The following TGFBR3 variants were observed in gnomAD, a reference collection of about 807,000 sequenced individuals.
The protein encoded by TGFBR3 is transforming growth factor beta receptor type 3.
In TGFBR3, 46 loss-of-function variants were observed where a neutral mutation model predicts 87.9. That is an observed-to-expected ratio of 0.52 (90% CI 0.41 to 0.67). The LOEUF (loss-of-function observed/expected upper bound fraction) is 0.67, where lower values mean the gene tolerates loss of function less well. Ranked by LOEUF, TGFBR3 falls within the 30% of genes least tolerant of loss-of-function variation. The pLI is 0.00. For missense variants in TGFBR3, 866 were observed against 1,041.9 expected (o/e 0.83, Z 2.32); for synonymous variants, 381 against 391.6 (o/e 0.97, Z 0.32).
chr1:91,739,628 A>G (rs1337932307), intron 4 of TGFBR3, among the ~76,000 whole-genome samples: 4 of 152,304 alleles, frequency 2.6e-5, no homozygotes, highest in Middle Eastern at 6.8e-3. Context: ...TGTTCAGCCA[A>G]CTACCAAGGG....
chr1:91,890,468 G>A (rs1419973720), upstream of TGFBR3, among the ~76,000 whole-genome samples: 2 of 115,728 alleles, frequency 1.7e-5, no homozygotes, highest in Admixed American at 1.3e-4. Context: ...TGCCCAGGCC[G>A]GAGTGCAGTG....
At chr1:91,856,614 C>T (rs953019737) in intron 2 of TGFBR3, among the ~76,000 whole-genome samples, 21 of 152,302 alleles carry the variant, frequency 1.4e-4, no homozygotes, top group Admixed American at 3.9e-4. Flanking sequence ...AGGCCTTTGA[C>T]AACCTTCACC....
At chr1:91,879,636 ATGT>A (rs1557759486) in intron 1 of TGFBR3, among the ~76,000 whole-genome samples, 1 of 152,236 alleles carries the variant, frequency 6.6e-6, no homozygotes, top group African/African-American at 2.4e-5. Context: ...ATTTATATCA[ATGT>A]TGTTTCAAAA....
intron 2 of TGFBR3, among the ~76,000 whole-genome samples, chr1:91,803,610 T>C (rs1276889570): frequency 2.0e-5 from 3 of 152,180 alleles, no homozygotes; most frequent in African/African-American, 7.2e-5. Flanking sequence ...TTGGGTTTTC[T>C]GACATTTGTA....
intron 2 of TGFBR3, among the ~76,000 whole-genome samples, chr1:91,822,306 A>T (rs886278195): frequency 1.1e-4 from 17 of 150,640 alleles, no homozygotes; most frequent in Admixed American, 2.6e-4. Context: ...AAAAAAAAAA[A>T]AAAAAAAAAA....
At position 91,866,543 on chromosome 1, in the gene TGFBR3, G is replaced by A. The variant is rs149687676; in HGVS notation, c.-113-4899C>T. On this transcript the variant is annotated intron_variant, in intron 1 of 16. Coordinates refer to ENST00000212355, the MANE Select transcript of TGFBR3 (RefSeq NM_003243.5). ...TCCTGCCCTCAGGGAGCTTATATCCGAGTAAAAATATCATTTACTACTTCT... is the reference window on the plus strand; with the variant it reads ...TCCTGCCCTCAGGGAGCTTATATCCAAGTAAAAATATCATTTACTACTTCT... Among the ~76,000 whole-genome samples, 17 of 152,288 alleles carry A rather than the reference G, an allele frequency of 1.1e-4. No individual in the cohort carries two copies. The East Asian group carries it at 3.1e-3, about 28-fold the overall frequency.
At chr1:91,889,334 C>T (rs1198502882), upstream of TGFBR3, among the ~76,000 whole-genome samples, 9 of 152,186 alleles carry the variant, frequency 5.9e-5, no homozygotes, top group African/African-American at 2.2e-4. Flanking sequence ...AACCTGTCCA[C>T]GATTCAATCT....
At chr1:91,686,121 G>C (rs543022539) in intron 16 of TGFBR3, among the ~76,000 whole-genome samples, 27 of 152,282 alleles carry the variant, frequency 1.8e-4, no homozygotes, top group African/African-American at 6.5e-4. Context: ...GGGAGCAAGT[G>C]TGCTCCTCCA....
At chr1:91,847,773 C>G (rs1677559988) in intron 2 of TGFBR3, among the ~76,000 whole-genome samples, 3 of 152,060 alleles carry the variant, frequency 2.0e-5, no homozygotes, top group South Asian at 4.1e-4. Flanking sequence ...TCCACTCAGC[C>G]CATATCACCT....
chr1:91,847,177 T>C (rs1163353940), intron 2 of TGFBR3, among the ~76,000 whole-genome samples: 1 of 152,196 alleles, frequency 6.6e-6, no homozygotes, highest in East Asian at 1.9e-4. Context: ...AGCTTAAATA[T>C]TCTCAGTCTT....
At chr1:91,867,417 C>A (rs1358305724) in intron 1 of TGFBR3, among the ~76,000 whole-genome samples, 2 of 152,186 alleles carry the variant, frequency 1.3e-5, no homozygotes, top group African/African-American at 4.8e-5. Context: ...TCATTCCTGG[C>A]TGGGAGCATG....
At chr1:91,748,797 G>C (rs1673435858) in intron 4 of TGFBR3, among the ~76,000 whole-genome samples, 1 of 151,866 alleles carries the variant, frequency 6.6e-6, no homozygotes, top group African/African-American at 2.4e-5. Flanking sequence ...CCCTGGGTTA[G>C]AGCCCCCGTT....
At chr1:91,835,696 C>T (rs1361762284) in intron 2 of TGFBR3, among the ~76,000 whole-genome samples, 1 of 151,594 alleles carries the variant, frequency 6.6e-6, no homozygotes, top group African/African-American at 2.4e-5. Context: ...GGCGTGGTGG[C>T]GGATGCCTGT....
chr1:91,705,072 C>G (rs1197488323), intron 14 of TGFBR3, among the ~76,000 whole-genome samples: 4 of 152,178 alleles, frequency 2.6e-5, no homozygotes, highest in African/African-American at 9.7e-5. Flanking sequence ...AGTAAAAGCA[C>G]AGTGAAGCGT....
chr1:91,885,947 G>C lies in TGFBR3; in HGVS notation c.-183C>G. 1 of 450,226 alleles carries C rather than the reference G, an allele frequency of 2.2e-6. No homozygotes were observed. Among genetic ancestry groups the C allele is most frequent in the Admixed American group, 2.4e-5 (1 of 42,320 alleles). The allele number at this position is 450,226 out of a possible 1,614,324, so 27.9% of individuals were successfully genotyped here. ...GAGGAAAGCGGCGGCAAGTTTCCCC[G>C]CCCAGCGCTCGGCGGCGGCGAGCTC... On this transcript the variant is annotated 5_prime_UTR_variant, in exon 1 of 17. Coordinates refer to ENST00000212355, the MANE Select transcript of TGFBR3 (RefSeq NM_003243.5).
In TGFBR3 at chr1:91,824,914, C is replaced by T. The variant is rs142754405; in HGVS notation, c.62-27443G>A. 6.9e-3 allele frequency among the ~76,000 whole-genome samples: 1,054 copies of T among 152,268 alleles called. 16 individuals are homozygous for T. The highest frequency in any genetic ancestry group is 0.024 in the African/African-American group (995 of 41,542). On this transcript the variant is annotated intron_variant, in intron 2 of 16. Transcript: ENST00000212355. ...GGCGGAGGCTGCAGTGAGCCAAGAT[C>T]GCACTACTGCACTCCTGCCTGGGTG...
chr1:91,734,859 T>C lies in TGFBR3; in HGVS notation c.485A>G (p.Asn162Ser). ...NFPHGNEHLL[N>S]WARKEYGAVT... is the part of the protein sequence containing the mutation. Reference sequence around the variant, plus strand: ...TGCTCCATACTCTTTTCGGGCCCAATTTAACAGATGTTCATTTCCATGGGG... The same window carrying C: ...TGCTCCATACTCTTTTCGGGCCCAACTTAACAGATGTTCATTTCCATGGGG... The change falls in exon 5 of 17, where the codon AAT becomes AGT. Residue 162 changes from asparagine to serine, a missense_variant. Asn to Ser is a conservative substitution (Grantham distance 46, BLOSUM62 1). Coordinates refer to ENST00000212355, the MANE Select transcript of TGFBR3 (RefSeq NM_003243.5). The C allele has an allele frequency of 6.2e-7, 1 of 1,614,230 alleles. No homozygotes were observed. Among genetic ancestry groups the C allele is most frequent in the Middle Eastern group, 1.7e-4 (1 of 6,060 alleles).
At chr1:91,872,701 T>G (rs1003490822) in intron 1 of TGFBR3, among the ~76,000 whole-genome samples, 33 of 152,120 alleles carry the variant, frequency 2.2e-4, no homozygotes, top group African/African-American at 7.5e-4. Flanking sequence ...GCTCTTTTCT[T>G]TAACGTTGTG....
intron 14 of TGFBR3, among the ~76,000 whole-genome samples, chr1:91,704,416 T>C (rs1046456704): frequency 6.6e-6 from 1 of 151,998 alleles, no homozygotes; most frequent in Admixed American, 6.5e-5. Flanking sequence ...CACATGATTC[T>C]AGTTTTCAGT....
Sources: allele counts gnomAD v4.1 joint callset (sites outside exome capture counted in the v4.1 genomes callset), GRCh38; gene constraint gnomAD v4.1.1; transcripts MANE v1.5; gene names NCBI Gene and HGNC (gene_info 2026-07-23, HGNC 2026-07-21).